The following SLC6A11 variants were observed in gnomAD, a reference collection of about 807,000 sequenced individuals.
SLC6A11 encodes solute carrier family 6 member 11.
A neutral mutation model predicts 74.8 loss-of-function variants in SLC6A11; 25 were observed. The ratio of observed to expected loss-of-function variants is 0.33; its 90% CI spans 0.24 to 0.47. The LOEUF is 0.47. Among genes scored for constraint, SLC6A11 ranks in the 20% least tolerant of loss-of-function variants. The pLI, the probability that SLC6A11 is intolerant of heterozygous loss-of-function variation, is 1.00. For missense variants in SLC6A11, 574 were observed against 837.0 expected (o/e 0.69, Z 3.88); for synonymous variants, 330 against 330.2 (o/e 1.00, Z 0.01).
chr3:10,827,046 C>T lies in SLC6A11; in HGVS notation c.623+3654C>T, dbSNP rs114666767. Among the ~76,000 whole-genome samples the T allele has an allele frequency of 2.1e-3, 315 of 152,298 alleles. 1 individual carries two copies. Among genetic ancestry groups the T allele is most frequent in the African/African-American group, 7.1e-3 (293 of 41,560 alleles). ...AAAGTACTCAAATACTAGTGGGACACGCACCCCTTCATACAGTTATACTTT... is the reference window on the plus strand; with the variant it reads ...AAAGTACTCAAATACTAGTGGGACATGCACCCCTTCATACAGTTATACTTT... On this transcript the variant is annotated intron_variant, in intron 4 of 13. Coordinates refer to ENST00000254488, the MANE Select transcript of SLC6A11 (RefSeq NM_014229.3).
chr3:10,819,767 C>T lies in SLC6A11; in HGVS notation c.447C>T (p.Ile149=), dbSNP rs199758967. The T allele has an allele frequency of 4.3e-6, 7 of 1,614,222 alleles. No individual in the cohort carries two copies. The East Asian group carries it at 1.3e-4, about 31-fold the overall frequency. ...IEAHLNVYYI[I]ILAWAIFYLS... ...CCCATCTGAATGTGTACTACATCAT[C>T]ATCCTGGCATGGGCCATTTTTTACC... is the stretch of plus-strand genomic sequence containing the variant. The change falls in exon 3 of 14, where the codon ATC becomes ATT. Residue 149 remains isoleucine (I), a synonymous_variant. Coordinates refer to ENST00000254488, the MANE Select transcript of SLC6A11 (RefSeq NM_014229.3).
intron 5 of SLC6A11, among the ~76,000 whole-genome samples, chr3:10,850,910 A>C (rs1037108935): frequency 2.0e-5 from 3 of 152,028 alleles, no homozygotes; most frequent in Admixed American, 2.0e-4. Flanking sequence ...GAGAATGGAG[A>C]GAGCTGGTCA....
intron 4 of SLC6A11, among the ~76,000 whole-genome samples, chr3:10,834,352 G>GTTTT (rs138938564): frequency 4.1e-5 from 6 of 145,622 alleles, no homozygotes; most frequent in African/African-American, 1.5e-4. Context: ...TTTTTTTTTT[G>GTTTT]TTTTTTTTTT....
intron 6 of SLC6A11, among the ~76,000 whole-genome samples, chr3:10,878,594 T>A (rs1018354606): frequency 1.4e-4 from 20 of 142,434 alleles, no homozygotes; most frequent in African/African-American, 4.9e-4. Context: ...TTTTTTTTTT[T>A]AGTAGAGATG....
At chr3:10,846,154 C>T (rs1028117174) in intron 5 of SLC6A11, among the ~76,000 whole-genome samples, 10 of 152,126 alleles carry the variant, frequency 6.6e-5, no homozygotes, top group African/African-American at 2.4e-4. Context: ...GAGTAAGTGG[C>T]AATTTTTAAA....
chr3:10,859,499 T>G lies in SLC6A11; in HGVS notation c.756+15153T>G, dbSNP rs552198653. Among the ~76,000 whole-genome samples the G allele has an allele frequency of 1.8e-4, 27 of 152,264 alleles. No homozygotes were observed. In the South Asian group the frequency reaches 4.4e-3, roughly 25 times the overall value. On this transcript the variant is annotated intron_variant, in intron 5 of 13. Transcript: ENST00000254488. The stretch of plus-strand genomic sequence containing the variant: ...ATGTCTGTGACTCTGCAAGTAGAGA[T>G]ATTTGGGTAGCAGACAGGTATGTCT...
intron 5 of SLC6A11, among the ~76,000 whole-genome samples, chr3:10,845,216 G>A (rs769486011): frequency 6.6e-6 from 1 of 152,090 alleles, no homozygotes; most frequent in Non-Finnish European, 1.5e-5. Context: ...GTAAGATTTG[G>A]CAACCCTGGA....
rs745465208 is a variant in SLC6A11, at chr3:10,874,927, C to G, written c.757-34C>G. The G allele has an allele frequency of 1.3e-5, 21 of 1,575,144 alleles. No homozygotes were observed. The South Asian group carries it at 2.1e-4, about 16-fold the overall frequency. ...TGAAGTAACCCCATTGCTCTCACCC[C>G]CTTCTTGATTCTGTCCTCTCCTCTT... On this transcript the variant is annotated intron_variant, in intron 5 of 13. Transcript: ENST00000254488.
chr3:10,858,660 G>A (rs570248267), intron 5 of SLC6A11, among the ~76,000 whole-genome samples: 7 of 152,216 alleles, frequency 4.6e-5, no homozygotes, highest in South Asian at 2.1e-4. Context: ...GAGGCTTAGC[G>A]AGGTACAGTA....
intron 5 of SLC6A11, among the ~76,000 whole-genome samples, chr3:10,861,254 G>A (rs1453455235): frequency 6.6e-6 from 1 of 152,214 alleles, no homozygotes; most frequent in African/African-American, 2.4e-5. Flanking sequence ...GGTGGCTTAA[G>A]CCTGTAATCT....
intron 6 of SLC6A11, among the ~76,000 whole-genome samples, chr3:10,889,494 T>G (rs535194334): frequency 2.6e-5 from 4 of 152,286 alleles, no homozygotes; most frequent in Admixed American, 2.6e-4. Context: ...TTTCCCAACC[T>G]CCATAGTGTT....
chr3:10,900,749 G>T (rs1453605093), intron 6 of SLC6A11, among the ~76,000 whole-genome samples: 3 of 152,318 alleles, frequency 2.0e-5, no homozygotes, highest in South Asian at 4.1e-4. Flanking sequence ...TGACACAAAA[G>T]AACCTGCCTG....
intron 12 of SLC6A11, 32 bp from the exon 13 acceptor site, chr3:10,934,997 T>A: frequency 6.3e-7 from 1 of 1,596,702 alleles, no homozygotes; most frequent in South Asian, 1.1e-5. Context: ...TGAGGGCCCA[T>A]CCCCCAGGCA....
intron 5 of SLC6A11, among the ~76,000 whole-genome samples, chr3:10,864,921 G>T (rs35418313): frequency 0.19 from 28,512 of 152,134 alleles, 3,431 homozygotes; most frequent in South Asian, 0.34. Flanking sequence ...CTTAACACCA[G>T]CCTTCCACTG....
At chr3:10,867,093 G>A (rs1694771578) in intron 5 of SLC6A11, among the ~76,000 whole-genome samples, 1 of 152,214 alleles carries the variant, frequency 6.6e-6, no homozygotes, top group Admixed American at 6.5e-5. Context: ...ATGGGCAGAT[G>A]CACCTGAGAG....
intron 6 of SLC6A11, among the ~76,000 whole-genome samples, chr3:10,875,963 G>A (rs1300589976): frequency 6.6e-6 from 1 of 152,240 alleles, no homozygotes; most frequent in Non-Finnish European, 1.5e-5. Flanking sequence ...TCATTCTAGT[G>A]TGTGAAATAA....
chr3:10,871,662 C>A (rs187651735), intron 5 of SLC6A11, among the ~76,000 whole-genome samples: 194 of 152,266 alleles, frequency 1.3e-3, no homozygotes, highest in Non-Finnish European at 1.9e-3. Context: ...ACTTTTAGCT[C>A]TCTGCAGAAA....
At position 10,837,208 on chromosome 3, in the gene SLC6A11, G is replaced by A. The variant is rs150579828; in HGVS notation, c.624-7006G>A. On this transcript the variant is annotated intron_variant, in intron 4 of 13. Coordinates refer to ENST00000254488, the MANE Select transcript of SLC6A11 (RefSeq NM_014229.3). ...AGAATTGGGAAGGATGTTCCCAGCC[G>A]AGGGAATCACAGGAGTGAATTCTGC... 4.3e-4 allele frequency among the ~76,000 whole-genome samples: 66 copies of A among 152,320 alleles called. No individual in the cohort carries two copies. In the East Asian group the frequency reaches 9.3e-3, roughly 21 times the overall value.
chr3:10,841,940 A>G (rs1349366106), intron 4 of SLC6A11, among the ~76,000 whole-genome samples: 3 of 152,240 alleles, frequency 2.0e-5, no homozygotes, highest in East Asian at 1.9e-4. Context: ...TGCAGAGTAC[A>G]CCTGGGCTGT....
Sources: allele counts gnomAD v4.1 joint callset (sites outside exome capture counted in the v4.1 genomes callset), GRCh38; gene constraint gnomAD v4.1.1; transcripts MANE v1.5; gene names NCBI Gene and HGNC (gene_info 2026-07-23, HGNC 2026-07-21).